Variants in ZNF93 observed in about 807,000 individuals in gnomAD.
ZNF93 encodes zinc finger protein 93, also known as zinc finger protein 505.
ZNF93 carries 29 observed loss-of-function variants against 45.0 expected under a neutral mutation model. That is an observed-to-expected ratio of 0.64 (90% CI 0.48 to 0.88). The LOEUF is 0.88. Ranked by LOEUF, ZNF93 falls within the 40% of genes least tolerant of loss-of-function variation. ZNF93 has a pLI of 0.00. For missense variants in ZNF93, 578 were observed against 724.0 expected (o/e 0.80, Z 2.31); for synonymous variants, 223 against 244.6 (o/e 0.91, Z 0.82).
intron 1 of ZNF93, among the ~76,000 whole-genome samples, chr19:19,911,843 G>A (rs1047891297): frequency 6.6e-6 from 1 of 151,678 alleles, no homozygotes; most frequent in African/African-American, 2.4e-5. Context: ...TCTGCCGCCC[G>A]GGTTCAGGTG....
chr19:19,918,485 T>C (rs1301804431), intron 3 of ZNF93, among the ~76,000 whole-genome samples: 9 of 152,116 alleles, frequency 5.9e-5, no homozygotes, highest in Admixed American at 3.3e-4. Context: ...GATGGCTGGG[T>C]CCAATGGTAT....
intron 3 of ZNF93, chr19:19,926,078 AT>A (rs1316887363): frequency 0.089 from 12,196 of 136,692 alleles, 1,068 homozygotes; most frequent in African/African-American, 0.24. Flanking sequence ...GTTACCTAGA[AT>A]TTTTTTTTTT....
At chr19:19,909,303 C>T (rs2122165633) in intron 1 of ZNF93, 1 of 152,318 alleles carries the variant, frequency 6.6e-6, no homozygotes, top group South Asian at 2.1e-4. Context: ...AGCCCAGTGC[C>T]AGGGAGTACA....
intron 1 of ZNF93, among the ~76,000 whole-genome samples, chr19:19,901,574 C>A (rs2063271491): frequency 6.6e-6 from 1 of 151,498 alleles, no homozygotes; most frequent in Non-Finnish European, 1.5e-5. Flanking sequence ...GTTGTTAGGG[C>A]AGCTAAGTTC....
chr19:19,907,366 A>G (rs1297043387), intron 1 of ZNF93, among the ~76,000 whole-genome samples: 1 of 152,186 alleles, frequency 6.6e-6, no homozygotes, highest in African/African-American at 2.4e-5. Context: ...CAAGTTAATT[A>G]TCAAATATTT....
intron 3 of ZNF93, among the ~76,000 whole-genome samples, chr19:19,928,745 C>T (rs1053043726): frequency 3.3e-5 from 5 of 152,170 alleles, no homozygotes; most frequent in African/African-American, 1.2e-4. Flanking sequence ...CCAGGCTGGT[C>T]TCAAACTTTT....
chr19:19,929,527 A>T (rs1348607316), intron 3 of ZNF93, among the ~76,000 whole-genome samples: 1 of 152,226 alleles, frequency 6.6e-6, no homozygotes, highest in Non-Finnish European at 1.5e-5. Flanking sequence ...ACACATATAC[A>T]TATAGATAGA....
intron 1 of ZNF93, among the ~76,000 whole-genome samples, chr19:19,912,848 C>T (rs540855853): frequency 6.6e-6 from 1 of 152,208 alleles, no homozygotes; most frequent in Non-Finnish European, 1.5e-5. Flanking sequence ...CAGCACCGTG[C>T]TCTGTATCAT....
In ZNF93 at chr19:19,916,616, T is replaced by G; in HGVS notation, c.187T>G (p.Leu63Val). The G allele has an allele frequency of 6.2e-7, 1 of 1,612,348 alleles. No homozygotes were observed. The highest frequency in any genetic ancestry group is 8.5e-7 in the Non-Finnish European group (1 of 1,179,396). The stretch of plus-strand genomic sequence containing the variant: ...CCATCTGGAGCAAGGAAAAAAACCT[T>G]TGACTATGAAGAGACATGAGATGGT... ...IAHLEQGKKPLTMKRHEMVAN... is the reference protein window; with the variant it reads ...IAHLEQGKKPVTMKRHEMVAN... Residue 63 changes from leucine (L) to valine (V), a missense_variant, in exon 3 of 4, where the codon TTG becomes GTG. Coordinates refer to ENST00000343769, the MANE Select transcript of ZNF93 (RefSeq NM_031218.4).
intron 3 of ZNF93, among the ~76,000 whole-genome samples, chr19:19,922,836 C>T (rs188047152): frequency 5.8e-4 from 88 of 152,250 alleles, no homozygotes; most frequent in African/African-American, 1.7e-3. Flanking sequence ...GTTAGCCATT[C>T]GTCTAATCTT....
At chr19:19,930,494 C>T (rs544357402) in intron 3 of ZNF93, among the ~76,000 whole-genome samples, 4 of 149,260 alleles carry the variant, frequency 2.7e-5, no homozygotes, top group Non-Finnish European at 4.4e-5. Flanking sequence ...TTTCCTGGTC[C>T]GCTAAGTAGC....
At chr19:19,925,736 A>G (rs2063354064) in intron 3 of ZNF93, among the ~76,000 whole-genome samples, 1 of 151,060 alleles carries the variant, frequency 6.6e-6, no homozygotes, top group African/African-American at 2.4e-5. Flanking sequence ...CTATATCTAA[A>G]TAATAATATA....
chr19:19,906,820 A>AT (rs1358747476), intron 1 of ZNF93, among the ~76,000 whole-genome samples: 13 of 151,856 alleles, frequency 8.6e-5, no homozygotes, highest in African/African-American at 2.9e-4. Context: ...CTTTGGCAAA[A>AT]ATCTGATGGT....
chr19:19,932,663 A>G (rs1225788582), intron 3 of ZNF93: 1 of 152,214 alleles, frequency 6.6e-6, no homozygotes, highest in Non-Finnish European at 1.5e-5. Context: ...AATGTAATAT[A>G]TTTGCTGCAT....
At position 19,933,924 on chromosome 19, in the gene ZNF93, G is replaced by C. The variant is rs765870925; in HGVS notation, c.969G>C (p.Lys323Asn). The change falls in exon 4 of 4, where the codon AAG becomes AAC. Residue 323 changes from lysine (K) to asparagine (N), a missense_variant. By Grantham distance (94) the Lys-to-Asn change is moderately conservative. Around this residue, in one of 3 missense-constraint regions of ZNF93, gnomAD observed 446 missense variants for 547.6 expected, o/e 0.81. Transcript: ENST00000343769. ...GTGAAGAATGTGGCAAAGCCTTTAA[G>C]TACTCCCGTATCCTTACTACACATA... Reference protein sequence around the residue: ...YVCEECGKAFKYSRILTTHKR... With the variant: ...YVCEECGKAFNYSRILTTHKR... 12 of 1,610,272 alleles carry C rather than the reference G, an allele frequency of 7.5e-6. No homozygotes were observed. Among genetic ancestry groups the C allele is most frequent in the South Asian group, 5.5e-5 (5 of 90,868 alleles).
At position 19,900,967 on chromosome 19, in the gene ZNF93, T is replaced by A; in HGVS notation, c.-122T>A. ...CTTTGTCTCTCGGTGCAGCCGGAGC[T>A]CCAGGTCTCCTCTTCACTACTCTGT... On this transcript the variant is annotated 5_prime_UTR_variant, in exon 1 of 4. Coordinates refer to ENST00000343769, the MANE Select transcript of ZNF93 (RefSeq NM_031218.4). 6.7e-7 allele frequency: 1 copy of A among 1,486,632 alleles called. No individual in the cohort carries two copies. Among genetic ancestry groups the A allele is most frequent in the Admixed American group, 1.8e-5 (1 of 56,698 alleles). The allele number at this position is 1,486,632 out of a possible 1,614,324, so 92.1% of individuals were successfully genotyped here.
At chr19:19,923,711 T>A (rs971067074) in intron 3 of ZNF93, among the ~76,000 whole-genome samples, 65 of 152,144 alleles carry the variant, frequency 4.3e-4, no homozygotes, top group Non-Finnish European at 7.6e-4. Context: ...TAGGACCCTC[T>A]GAGCCAGGCA....
intron 3 of ZNF93, among the ~76,000 whole-genome samples, chr19:19,923,334 G>A (rs2063346942): frequency 6.6e-6 from 1 of 152,212 alleles, no homozygotes; most frequent in Non-Finnish European, 1.5e-5. Context: ...CGTGTGAGGT[G>A]TCAATCTGCT....
At chr19:19,916,013 A>C (rs566330088) in intron 2 of ZNF93, among the ~76,000 whole-genome samples, 2 of 152,124 alleles carry the variant, frequency 1.3e-5, no homozygotes, top group South Asian at 4.1e-4. Context: ...TTTTTGATTC[A>C]GTGGTACCAG....
Sources: gnomAD v4.1 joint callset for allele counts (sites outside exome capture counted in the v4.1 genomes callset) on GRCh38, gnomAD v4.1.1 for gene constraint, gnomAD v4.1.1 regional missense constraint, MANE v1.5 for transcripts, NCBI Gene and HGNC (gene_info 2026-07-23, HGNC 2026-07-21) for gene names.